The following RABEP2 variants were observed in gnomAD, a reference collection of about 807,000 sequenced individuals.
RABEP2 encodes rab GTPase-binding effector protein 2.
A neutral mutation model predicts 74.1 loss-of-function variants in RABEP2; 57 were observed. The ratio of observed to expected loss-of-function variants is 0.77; its 90% CI spans 0.62 to 0.96. The LOEUF (loss-of-function observed/expected upper bound fraction) is 0.96, where lower values mean the gene tolerates loss of function less well. RABEP2 is among the 40% of genes least tolerant of loss of function. The pLI is 0.00. For missense variants in RABEP2, 692 were observed against 756.3 expected (o/e 0.91, Z 1.00); for synonymous variants, 351 against 344.0 (o/e 1.02, Z -0.23).
rs147158210 is a variant in RABEP2, at chr16:28,920,363, GTTATTATTA to G, written c.275-429_275-421del. On this transcript the variant is annotated intron_variant, in intron 2 of 12. Coordinates refer to ENST00000358201, the MANE Select transcript of RABEP2 (RefSeq NM_024816.3). Reference sequence around the variant, plus strand: ...TTAAGAACGGTAAGAATTTTTTTTGGTTATTATTATTATTATTATTATTATTATTATTAT... The same window carrying G: ...TTAAGAACGGTAAGAATTTTTTTTGGTTATTATTATTATTATTATTATTAT... Among the ~76,000 whole-genome samples the G allele has an allele frequency of 5.7e-3, 801 of 141,610 alleles. 9 individuals are homozygous for G. The highest frequency in any genetic ancestry group is 0.016 in the African/African-American group (612 of 38,242). The allele number at this position is 141,610 out of a possible 152,430, so 92.9% of individuals were successfully genotyped here.
At position 28,904,966 on chromosome 16, in the gene RABEP2, C is replaced by T. The variant is rs763693740; in HGVS notation, c.1687G>A (p.Val563Ile). The T allele has an allele frequency of 6.8e-6, 11 of 1,612,724 alleles. No homozygotes were observed. Among genetic ancestry groups the T allele is most frequent in the African/African-American group, 1.3e-5 (1 of 74,924 alleles). The change falls in exon 13 of 13, where the codon GTC (valine) becomes ATC (isoleucine). Residue 563 changes from valine (V) to isoleucine (I), a missense_variant. By Grantham distance (29) the Val-to-Ile change is conservative. Transcript: ENST00000358201. Reference sequence around the variant, plus strand: ...CCTCAGGTGTCCTTGATGTCCCTGACGTCCGTGAGTGGCGCCTCATCCATG... The same window carrying T: ...CCTCAGGTGTCCTTGATGTCCCTGATGTCCGTGAGTGGCGCCTCATCCATG... ...SIMDEAPLTD[V>I]RDIKDT
chr16:28,908,143 G>T (rs1049940750), intron 8 of RABEP2, among the ~76,000 whole-genome samples: 1 of 152,036 alleles, frequency 6.6e-6, no homozygotes, highest in East Asian at 1.9e-4. Flanking sequence ...GGGTTTTACC[G>T]TTGGCCAGGC....
intron 3 of RABEP2, among the ~76,000 whole-genome samples, chr16:28,918,418 G>A (rs12920372): frequency 0.036 from 5,400 of 152,078 alleles, 351 homozygotes; most frequent in African/African-American, 0.13. Flanking sequence ...TTCAAGACCA[G>A]CCTGGCCAAC....
chr16:28,910,860 T>A, intron 7 of RABEP2, 28 bp downstream of exon 7: 2 of 1,587,600 alleles, frequency 1.3e-6, no homozygotes, highest in Non-Finnish European at 1.7e-6. Flanking sequence ...CTCCTCGCCC[T>A]CCTGCCCTAG....
rs1243036521 is a variant in RABEP2, at chr16:28,906,010, T to C, written c.1423+9A>G. ...GCCCGGGGCTGGGGGCTTGTGCCCC[T>C]CCCCTCACCTGTCTCCTCCCGCTGC... On this transcript the variant is annotated intron_variant, in intron 9 of 12. Coordinates refer to ENST00000358201, the MANE Select transcript of RABEP2 (RefSeq NM_024816.3). 3 of 1,607,542 alleles carry C rather than the reference T, an allele frequency of 1.9e-6. No individual in the cohort carries two copies. The highest frequency in any genetic ancestry group is 2.5e-6 in the Non-Finnish European group (3 of 1,177,582).
At chr16:28,913,364 CA>C (rs1237693155) in intron 5 of RABEP2, among the ~76,000 whole-genome samples, 2 of 152,182 alleles carry the variant, frequency 1.3e-5, no homozygotes, top group Non-Finnish European at 2.9e-5. Flanking sequence ...TCCCTGGTGA[CA>C]ATGTCTTCCC....
intron 12 of RABEP2, 99 bp from the exon 13 acceptor site, chr16:28,905,143 C>T: frequency 1.0e-6 from 1 of 962,588 alleles, no homozygotes; most frequent in Non-Finnish European, 1.5e-6. Flanking sequence ...ACCAGTGGAC[C>T]CAGGGGCCAC....
chr16:28,924,643 TCC>T (rs746752241), intron 1 of RABEP2, 28 bp from the exon 2 acceptor site: 4 of 1,590,594 alleles, frequency 2.5e-6, no homozygotes, highest in Non-Finnish European at 3.4e-6. Flanking sequence ...CAGCCTCTCT[TCC>T]CATCTCTTAC....
intron 2 of RABEP2, chr16:28,924,129 A>G: frequency 2.0e-6 from 1 of 494,964 alleles, no homozygotes; most frequent in Non-Finnish European, 3.7e-6. Context: ...AGGGTTGATC[A>G]ATCATCAGTG....
At chr16:28,910,488 T>C (rs7184597) in intron 7 of RABEP2, 118,948 of 158,204 alleles carry the variant, frequency 0.75, 46,157 homozygotes, top group African/African-American at 0.94. Context: ...CTGTGTTGGC[T>C]AGGCTCGAAC....
rs747271462 is a variant in RABEP2, at chr16:28,910,919, C to T, written c.1058G>A (p.Ser353Asn). Residue 353 changes from serine (S) to asparagine (N), a missense_variant, in exon 7 of 13, where the codon AGC (serine) becomes AAC (asparagine). Physicochemically the swap from Ser to Asn is conservative, Grantham distance 46. Coordinates refer to ENST00000358201, the MANE Select transcript of RABEP2 (RefSeq NM_024816.3). ...QLLRTLQGTVSQAQERVQLQM... is the reference protein window; with the variant it reads ...QLLRTLQGTVNQAQERVQLQM... ...CAGCTGCACCCGCTCCTGGGCCTGG[C>T]TCACGGTCCCTTGCAGGGTCCGCAG... 3 of 1,612,874 alleles carry T rather than the reference C, an allele frequency of 1.9e-6. No homozygotes were observed. The African/African-American group carries it at 4.0e-5, about 22-fold the overall frequency.
intron 2 of RABEP2, chr16:28,924,117 T>C (rs1964502458): frequency 2.1e-6 from 1 of 466,012 alleles, no homozygotes; most frequent in Non-Finnish European, 3.9e-6. Flanking sequence ...TCGCCCATCT[T>C]CAGGGTTGAT....
At chr16:28,924,998 G>GC in intron 1 of RABEP2, 105 bp downstream of exon 1, 1 of 955,452 alleles carries the variant, frequency 1.0e-6, no homozygotes, top group Non-Finnish European at 1.5e-6. Flanking sequence ...GCGTGGCCCC[G>GC]CCCCTTCCTC....
intron 12 of RABEP2, 127 bp downstream of exon 12, chr16:28,905,270 G>A: frequency 1.3e-6 from 1 of 757,904 alleles, no homozygotes; most frequent in Non-Finnish European, 2.2e-6. Flanking sequence ...TAACAGCTCA[G>A]GACAGGACCA....
Position 28,905,890 on chromosome 16 carries a change from A to C in RABEP2, c.1424-12T>G, listed in dbSNP as rs772197976. 1 of 1,613,678 alleles carries C rather than the reference A, an allele frequency of 6.2e-7. No individual in the cohort carries two copies. Among genetic ancestry groups the C allele is most frequent in the Non-Finnish European group, 8.5e-7 (1 of 1,180,002 alleles). On this transcript the variant is annotated splice_polypyrimidine_tract_variant and intron_variant, in intron 9 of 12. Coordinates refer to ENST00000358201, the MANE Select transcript of RABEP2 (RefSeq NM_024816.3). The stretch of plus-strand genomic sequence containing the variant: ...ACCCTCCAGCACCTCTGTGGGAAGG[A>C]AAGAAAGAGAGGTCAAGGCCAGCCT...
In RABEP2 at chr16:28,914,492, A is replaced by T; in HGVS notation, c.638T>A (p.Leu213Gln). The change falls in exon 5 of 13, where the codon CTG becomes CAG. Residue 213 changes from leucine to glutamine, a missense_variant. Leu to Gln is a moderately radical substitution (Grantham distance 113, BLOSUM62 -2). Coordinates refer to ENST00000358201, the MANE Select transcript of RABEP2 (RefSeq NM_024816.3). Reference protein sequence around the residue: ...PSPPLEPLEELSGDGGPAAEA... With the variant: ...PSPPLEPLEEQSGDGGPAAEA... ...AGCGGCTGGACCCCCATCTCCGCTC[A>T]GCTCCTCCAGAGGCTCCAGCGGGGG... 6.2e-7 allele frequency: 1 copy of T among 1,613,226 alleles called. No individual in the cohort carries two copies. Among genetic ancestry groups the T allele is most frequent in the Non-Finnish European group, 8.5e-7 (1 of 1,179,794 alleles).
At position 28,914,599 on chromosome 16, in the gene RABEP2, G is replaced by A. The variant is rs988903786; in HGVS notation, c.544-13C>T. Reference sequence around the variant, plus strand: ...GCCGGGGACGTCTCTAGGGAAGGGGGCAGGGAAGAGGCTGGGGGGCCAGGG... The same window carrying A: ...GCCGGGGACGTCTCTAGGGAAGGGGACAGGGAAGAGGCTGGGGGGCCAGGG... On this transcript the variant is annotated splice_polypyrimidine_tract_variant and intron_variant, in intron 4 of 12. Transcript: ENST00000358201. 17 of 1,609,952 alleles carry A rather than the reference G, an allele frequency of 1.1e-5. No homozygotes were observed. The Admixed American group carries it at 1.2e-4, about 11-fold the overall frequency.
intron 8 of RABEP2, among the ~76,000 whole-genome samples, chr16:28,907,677 G>A (rs1964253462): frequency 2.0e-5 from 3 of 152,128 alleles, no homozygotes; most frequent in Admixed American, 2.0e-4. Context: ...TTGCTCTCTC[G>A]CCAAGGCTAG....
At chr16:28,918,099 G>C (rs1463978076) in intron 3 of RABEP2, among the ~76,000 whole-genome samples, 1 of 116,798 alleles carries the variant, frequency 8.6e-6, no homozygotes, top group Admixed American at 1.1e-4. Flanking sequence ...TTGAGACGGA[G>C]TCTCGCTCTG....
Sources: allele counts gnomAD v4.1 joint callset (sites outside exome capture counted in the v4.1 genomes callset), GRCh38; gene constraint gnomAD v4.1.1; transcripts MANE v1.5; gene names NCBI Gene and HGNC (gene_info 2026-07-23, HGNC 2026-07-21).